Variants in TTC29 observed in about 807,000 individuals in gnomAD.
TTC29 encodes tetratricopeptide repeat protein 29.
TTC29 carries 49 observed loss-of-function variants against 58.1 expected under a neutral mutation model. The observed-to-expected ratio is 0.84, with a 90% CI of 0.67 to 1.07. TTC29 has a LOEUF of 1.07. Ranked by LOEUF, TTC29 falls within the 50% of genes least tolerant of loss-of-function variation. The pLI, the probability that TTC29 is intolerant of heterozygous loss-of-function variation, is 0.00. For missense variants in TTC29, 582 were observed against 555.6 expected (o/e 1.05, Z -0.48); for synonymous variants, 209 against 196.8 (o/e 1.06, Z -0.52).
chr4:146,814,996 C>G (rs1369642316), intron 10 of TTC29, among the ~76,000 whole-genome samples: 1 of 152,022 alleles, frequency 6.6e-6, no homozygotes, highest in Admixed American at 6.6e-5. Context: ...GCAATGAGGT[C>G]AGAGATAGGG....
chr4:146,941,475 G>A (rs1342044822), intron 2 of TTC29, among the ~76,000 whole-genome samples: 2 of 152,060 alleles, frequency 1.3e-5, no homozygotes, highest in Non-Finnish European at 2.9e-5. Flanking sequence ...GCAGTATGGG[G>A]GTAAATAGGG....
intron 4 of TTC29, among the ~76,000 whole-genome samples, chr4:146,915,698 A>G (rs897371149): frequency 3.9e-5 from 6 of 152,078 alleles, no homozygotes; most frequent in African/African-American, 1.4e-4. Flanking sequence ...AGGTCTTTGT[A>G]TAAGTTATTA....
intron 9 of TTC29, among the ~76,000 whole-genome samples, chr4:146,825,898 T>C (rs868297125): frequency 1.3e-5 from 2 of 152,186 alleles, no homozygotes; most frequent in Admixed American, 6.5e-5. Flanking sequence ...GTTTAAAGTC[T>C]GCTTTGTCAG....
chr4:146,865,689 C>T (rs563661900), intron 8 of TTC29, among the ~76,000 whole-genome samples: 122 of 152,180 alleles, frequency 8.0e-4, no homozygotes, highest in African/African-American at 2.9e-3. Flanking sequence ...TACAATGAGA[C>T]TCGTCTATAG....
intron 9 of TTC29, among the ~76,000 whole-genome samples, chr4:146,827,303 C>T (rs1022628929): frequency 2.0e-5 from 3 of 152,196 alleles, no homozygotes; most frequent in African/African-American, 7.2e-5. Context: ...GATTCACACA[C>T]TTATTATGGT....
At chr4:146,858,330 T>C (rs1354441990) in intron 8 of TTC29, among the ~76,000 whole-genome samples, 2 of 152,220 alleles carry the variant, frequency 1.3e-5, no homozygotes, top group Non-Finnish European at 2.9e-5. Flanking sequence ...GTACCACAGT[T>C]ACCTCTGATA....
At chr4:146,738,709 C>T (rs1237555310) in intron 11 of TTC29, among the ~76,000 whole-genome samples, 8 of 152,114 alleles carry the variant, frequency 5.3e-5, no homozygotes, top group Non-Finnish European at 7.3e-5. Flanking sequence ...TCACCTGCCC[C>T]GCAGCGAGAC....
At chr4:146,774,643 C>A (rs1054016747) in intron 11 of TTC29, among the ~76,000 whole-genome samples, 1 of 151,764 alleles carries the variant, frequency 6.6e-6, no homozygotes, top group Non-Finnish European at 1.5e-5. Context: ...GCCTGTTGTG[C>A]GGTAGATTTT....
At chr4:146,942,390 A>G (rs976023497) in intron 2 of TTC29, among the ~76,000 whole-genome samples, 3 of 152,234 alleles carry the variant, frequency 2.0e-5, no homozygotes, top group Non-Finnish European at 4.4e-5. Context: ...TTATAACTTC[A>G]TAACGTAATG....
chr4:146,784,804 T>C (rs1748887127), intron 11 of TTC29, among the ~76,000 whole-genome samples: 1 of 152,178 alleles, frequency 6.6e-6, no homozygotes, highest in Non-Finnish European at 1.5e-5. Flanking sequence ...TTCTGTGAAA[T>C]TAAGTTTCTT....
intron 8 of TTC29, among the ~76,000 whole-genome samples, chr4:146,843,537 G>A (rs1245050744): frequency 6.6e-6 from 1 of 152,084 alleles, no homozygotes; most frequent in Non-Finnish European, 1.5e-5. Context: ...GAAGGGCTGA[G>A]TATTGCAAGA....
intron 8 of TTC29, among the ~76,000 whole-genome samples, chr4:146,858,056 A>G (rs1579843938): frequency 6.6e-6 from 1 of 152,222 alleles, no homozygotes; most frequent in Non-Finnish European, 1.5e-5. Flanking sequence ...TATCATTGCT[A>G]TCATTATCCA....
intron 6 of TTC29, among the ~76,000 whole-genome samples, chr4:146,876,244 A>G (rs992632844): frequency 2.6e-5 from 4 of 152,236 alleles, no homozygotes; most frequent in African/African-American, 9.6e-5. Flanking sequence ...TAGGTGCTCA[A>G]GAAACACGGC....
chr4:146,779,598 T>C (rs951705600), intron 11 of TTC29, among the ~76,000 whole-genome samples: 2 of 152,156 alleles, frequency 1.3e-5, no homozygotes, highest in Non-Finnish European at 2.9e-5. Flanking sequence ...TATAATTCTC[T>C]ATGTTAATTT....
At chr4:146,733,908 T>A (rs1744527961) in intron 11 of TTC29, among the ~76,000 whole-genome samples, 1 of 152,146 alleles carries the variant, frequency 6.6e-6, no homozygotes, top group Non-Finnish European at 1.5e-5. Flanking sequence ...CATGAGACTG[T>A]CTAACTTAAT....
intron 11 of TTC29, among the ~76,000 whole-genome samples, chr4:146,709,238 A>G (rs1336287060): frequency 1.3e-5 from 2 of 152,080 alleles, no homozygotes; most frequent in Non-Finnish European, 2.9e-5. Flanking sequence ...GGTCATACTT[A>G]GACCTTGTCA....
intron 11 of TTC29, among the ~76,000 whole-genome samples, chr4:146,799,247 T>C (rs1408975069): frequency 1.3e-5 from 2 of 152,218 alleles, no homozygotes; most frequent in Admixed American, 6.5e-5. Context: ...GATTATAAGA[T>C]GGATGAAACC....
chr4:146,820,215 C>T lies in TTC29; in HGVS notation c.1011G>A (p.Leu337=). 6.2e-7 allele frequency: 1 copy of T among 1,612,654 alleles called. No individual in the cohort carries two copies. Among genetic ancestry groups the T allele is most frequent in the Non-Finnish European group, 8.5e-7 (1 of 1,179,702 alleles). ...QGEMTEAIKY[L]KKFVKIARNN... ...TTCTTGCAATTTTCACAAATTTTTT[C>T]AAGTATTTAATTGCTTCTGTCATCT... The change falls in exon 10 of 13, where the codon TTG becomes TTA. Residue 337 remains leucine, a synonymous_variant. Transcript: ENST00000325106.
At chr4:146,758,951 C>T in intron 11 of TTC29, among the ~76,000 whole-genome samples, 1 of 151,912 alleles carries the variant, frequency 6.6e-6, no homozygotes. Context: ...CAAGAACAAA[C>T]CAAACCCACA....
Sources: gnomAD v4.1 joint callset for allele counts (sites outside exome capture counted in the v4.1 genomes callset) on GRCh38, gnomAD v4.1.1 for gene constraint, MANE v1.5 for transcripts, NCBI Gene and HGNC (gene_info 2026-07-23, HGNC 2026-07-21) for gene names.